VPS36: variants seen among roughly 807,000 people sequenced by gnomAD.
VPS36 encodes vacuolar protein-sorting-associated protein 36.
Under a neutral mutation model 63.5 loss-of-function variants are expected in VPS36, and 31 were observed. That is an observed-to-expected ratio of 0.49 (90% CI 0.37 to 0.66). The LOEUF (loss-of-function observed/expected upper bound fraction) is 0.66, where lower values mean the gene tolerates loss of function less well. VPS36 is among the 30% of genes least tolerant of loss of function. The pLI is 0.00. For synonymous variants in VPS36, 138 were observed against 157.2 expected, an observed-to-expected ratio of 0.88 and a Z score of 0.91; for missense variants, 338 against 463.7, an observed-to-expected ratio of 0.73 and a Z score of 2.49.
chr13:52,448,304 C>T (rs896653346), intron 1 of VPS36, among the ~76,000 whole-genome samples: 4 of 152,182 alleles, frequency 2.6e-5, no homozygotes, highest in African/African-American at 9.6e-5. Flanking sequence ...TGTGTGTAAC[C>T]TTGTAAAGTC....
chr13:52,427,199 T>A lies in VPS36; in HGVS notation c.549A>T (p.Lys183Asn), dbSNP rs889215243. The A allele has an allele frequency of 1.6e-5, 26 of 1,613,400 alleles. 1 individual carries two copies. In the East Asian group the frequency reaches 5.8e-4, roughly 36 times the overall value. The change falls in exon 7 of 14, where the codon AAA (lysine) becomes AAT (asparagine). Residue 183 changes from lysine to asparagine, a missense_variant. By Grantham distance (94) the Lys-to-Asn change is moderately conservative (BLOSUM62 0). Transcript: ENST00000378060. ...NISEAFEDLS[K>N]LMIKAKEMVE... ...AAATGACATATACCTTGATCATTAG[T>A]TTGCTGAGGTCTTCAAAGGCCTGAA...
chr13:52,426,737 C>T (rs1282971268), intron 8 of VPS36, among the ~76,000 whole-genome samples: 1 of 152,156 alleles, frequency 6.6e-6, no homozygotes, highest in East Asian at 1.9e-4. Flanking sequence ...TGCCTGTAGT[C>T]CCAGCTACTC....
chr13:52,417,985 C>T lies in VPS36; in HGVS notation c.905+7G>A, dbSNP rs1185482918. The T allele has an allele frequency of 2.5e-6, 4 of 1,610,830 alleles. No homozygotes were observed. The Admixed American group carries it at 6.7e-5, about 27-fold the overall frequency. On this transcript the variant is annotated splice_region_variant and intron_variant, in intron 11 of 13. Coordinates refer to ENST00000378060, the MANE Select transcript of VPS36 (RefSeq NM_016075.4). ...AGGTGGCAAACTTCCTGCAGAGGTT[C>T]CTTTACCTGAGAGGTAATTTCAGTG...
At chr13:52,426,946 T>C in intron 8 of VPS36, 43 bp downstream of exon 8, 1 of 1,374,140 alleles carries the variant, frequency 7.3e-7, no homozygotes, top group Non-Finnish European at 1.0e-6. Context: ...TACTGCATTG[T>C]GTTATCTAGT....
At chr13:52,432,003 T>C (rs1371707855) in intron 6 of VPS36, among the ~76,000 whole-genome samples, 1 of 152,092 alleles carries the variant, frequency 6.6e-6, no homozygotes, top group African/African-American at 2.4e-5. Context: ...TTATAACTGA[T>C]TGAAATCCAT....
At chr13:52,446,501 C>T (rs148076301) in intron 1 of VPS36, among the ~76,000 whole-genome samples, 1,856 of 152,150 alleles carry the variant, frequency 0.012, 44 homozygotes, top group African/African-American at 0.043. Context: ...AGATCTAAAC[C>T]TGATAGTCAA....
chr13:52,417,274 A>G (rs191678253), intron 11 of VPS36, 133 bp from the exon 12 acceptor site: 34 of 651,896 alleles, frequency 5.2e-5, no homozygotes, highest in African/African-American at 4.0e-4. Flanking sequence ...CATTTAAAAC[A>G]TATCAAACCC....
rs755865489 is a variant in VPS36 at position 52,433,653 on chromosome 13, AAC to A, written c.528+7_528+8del. ...TGGAATAGATGGAGAGCCAGAATTT[AAC>A]AGTTACCTCAGAAATGTTTTTGTCA... is the stretch of plus-strand genomic sequence containing the variant. On this transcript the variant is annotated splice_region_variant and intron_variant, in intron 6 of 13. Transcript: ENST00000378060. The A allele has an allele frequency of 3.1e-6, 5 of 1,606,574 alleles. No individual in the cohort carries two copies. The highest frequency in any genetic ancestry group is 2.2e-5 in the East Asian group (1 of 44,782).
At chr13:52,440,354 C>T (rs961214576) in intron 2 of VPS36, among the ~76,000 whole-genome samples, 10 of 151,988 alleles carry the variant, frequency 6.6e-5, no homozygotes, top group South Asian at 2.1e-4. Context: ...AGTGCAATGG[C>T]GCAATCTTGG....
chr13:52,426,158 C>T (rs1256491582), intron 8 of VPS36, 92 bp from the exon 9 acceptor site: 7 of 1,467,496 alleles, frequency 4.8e-6, no homozygotes, highest in African/African-American at 1.4e-5. Flanking sequence ...TCAATTATGT[C>T]TACATATCCC....
intron 2 of VPS36, 96 bp downstream of exon 2, chr13:52,442,281 G>A: frequency 3.5e-6 from 4 of 1,127,226 alleles, no homozygotes; most frequent in Non-Finnish European, 4.8e-6. Flanking sequence ...GAGCCCAGAG[G>A]TTACAGATCA....
Position 52,415,190 on chromosome 13 carries a change from C to T in VPS36, c.*640G>A, listed in dbSNP as rs1291589941. The T allele has an allele frequency of 6.6e-6, 1 of 152,032 alleles. No individual in the cohort carries two copies. The highest frequency in any genetic ancestry group is 1.5e-5 in the Non-Finnish European group (1 of 68,050). The allele number at this position is 152,032 out of a possible 1,614,324, so 9.4% of individuals were successfully genotyped here. A position where few individuals can be genotyped will look rare whatever the true frequency, so the allele number is the denominator to read the frequency against. On this transcript the variant is annotated 3_prime_UTR_variant, in exon 14 of 14. Coordinates refer to ENST00000378060, the MANE Select transcript of VPS36 (RefSeq NM_016075.4). ...AGCTCTCTAGTTCAGTTTCAAAATCCACAGCATTTGGAAACAAAATGACAC... is the reference window on the plus strand; with the variant it reads ...AGCTCTCTAGTTCAGTTTCAAAATCTACAGCATTTGGAAACAAAATGACAC...
intron 10 of VPS36, among the ~76,000 whole-genome samples, chr13:52,421,967 A>T (rs1457387311): frequency 6.6e-6 from 1 of 152,140 alleles, no homozygotes; most frequent in African/African-American, 2.4e-5. Context: ...TATCATGTCT[A>T]TGTTTTAGGA....
rs534442538 is a variant in VPS36, at chr13:52,415,747, C to T, written c.*83G>A. On this transcript the variant is annotated 3_prime_UTR_variant, in exon 14 of 14. Coordinates refer to ENST00000378060, the MANE Select transcript of VPS36 (RefSeq NM_016075.4). Reference sequence around the variant, plus strand: ...AAGTTCCAATAAATTCTCAATTGATCGGGGTTTATCTCTTAGCTCAATGTC... The same window carrying T: ...AAGTTCCAATAAATTCTCAATTGATTGGGGTTTATCTCTTAGCTCAATGTC... The T allele has an allele frequency of 6.5e-6, 8 of 1,225,536 alleles. No individual in the cohort carries two copies. The highest frequency in any genetic ancestry group is 2.0e-4 in the Middle Eastern group (1 of 5,116). 75.9% of individuals were successfully genotyped at this position (1,225,536 alleles called of 1,614,324 possible).
At chr13:52,424,918 G>A (rs1958083983) in intron 9 of VPS36, among the ~76,000 whole-genome samples, 1 of 151,954 alleles carries the variant, frequency 6.6e-6, no homozygotes, top group Admixed American at 6.6e-5. Flanking sequence ...AACCCGGGAG[G>A]TAGAGGTTGC....
chr13:52,413,458 T>G lies in VPS36; in HGVS notation c.*2372A>C, dbSNP rs2137763469. The G allele has an allele frequency of 6.6e-6, 1 of 152,304 alleles. No individual in the cohort carries two copies. The highest frequency in any genetic ancestry group is 2.4e-5 in the African/African-American group (1 of 41,582). 9.4% of individuals were successfully genotyped at this position (152,304 alleles called of 1,614,324 possible). A position where few individuals can be genotyped will look rare whatever the true frequency, so the allele number is the denominator to read the frequency against. On this transcript the variant is annotated 3_prime_UTR_variant, in exon 14 of 14. Coordinates refer to ENST00000378060, the MANE Select transcript of VPS36 (RefSeq NM_016075.4). ...TAACTGGCTTTAGTATGATTAAAGG[T>G]TTCTCATTTGCATATATGTTTCAGA...
chr13:52,413,629 A>G lies in VPS36; in HGVS notation c.*2201T>C, dbSNP rs1957966981. The G allele has an allele frequency of 6.6e-6, 1 of 152,526 alleles. No homozygotes were observed. Among genetic ancestry groups the G allele is most frequent in the Non-Finnish European group, 1.5e-5 (1 of 68,042 alleles). 9.4% of individuals were successfully genotyped at this position (152,526 alleles called of 1,614,324 possible). A position where few individuals can be genotyped will look rare whatever the true frequency, so the allele number is the denominator to read the frequency against. On this transcript the variant is annotated 3_prime_UTR_variant, in exon 14 of 14. Transcript: ENST00000378060. ...ATTTTTTGACAGTAAATGACCAGAA[A>G]TATTGCATTACCATAAAGCTACAAA...
At chr13:52,441,785 T>C (rs1958279938) in intron 2 of VPS36, among the ~76,000 whole-genome samples, 1 of 152,026 alleles carries the variant, frequency 6.6e-6, no homozygotes, top group Non-Finnish European at 1.5e-5. Flanking sequence ...GGGACTCCTC[T>C]TGCTGAGTGA....
intron 10 of VPS36, among the ~76,000 whole-genome samples, chr13:52,420,069 C>T (rs180677506): frequency 6.6e-6 from 1 of 151,818 alleles, no homozygotes; most frequent in Non-Finnish European, 1.5e-5. Flanking sequence ...GGAGAAACCC[C>T]GTCTCTACTA....
Sources: allele counts gnomAD v4.1 joint callset (sites outside exome capture counted in the v4.1 genomes callset), GRCh38; gene constraint gnomAD v4.1.1; transcripts MANE v1.5; gene names NCBI Gene and HGNC (gene_info 2026-07-23, HGNC 2026-07-21).